Variants in PRDM16 observed in about 807,000 individuals in gnomAD.
The protein encoded by PRDM16 is PR/SET domain 16, also known as histone-lysine N-methyltransferase PRDM16.
PRDM16 carries 23 observed loss-of-function variants against 110.6 expected under a neutral mutation model. The ratio of observed to expected loss-of-function variants is 0.21; its 90% CI spans 0.15 to 0.29. The LOEUF is 0.29. Among genes scored for constraint, PRDM16 ranks in the 10% least tolerant of loss-of-function variants. The probability of loss-of-function intolerance (pLI) is 1.00; values close to 1 mark genes in which losing one functional copy is unlikely to be tolerated. For missense variants in PRDM16, 1,615 were observed against 1,794.3 expected (o/e 0.90, Z 1.81); for synonymous variants, 799 against 781.8 (o/e 1.02, Z -0.37).
Position 3,437,200 on chromosome 1 carries a change from T to A in PRDM16, c.*3389T>A, listed in dbSNP as rs977828012. 9 of 232,194 alleles carry A rather than the reference T, an allele frequency of 3.9e-5. No individual in the cohort carries two copies. Among genetic ancestry groups the A allele is most frequent in the African/African-American group, 1.8e-4 (8 of 45,176 alleles). The allele number at this position is 232,194 out of a possible 1,614,324, so 14.4% of individuals were successfully genotyped here. A position where few individuals can be genotyped will look rare whatever the true frequency, so the allele number is the denominator to read the frequency against. ...GAGAGACTGCCCAGCTGGAGAGGCC[T>A]TCCTTTACAAGGCCACGCGTGCAGC... On this transcript the variant is annotated 3_prime_UTR_variant, in exon 17 of 17. Coordinates refer to ENST00000270722, the MANE Select transcript of PRDM16 (RefSeq NM_022114.4).
chr1:3,170,055 GA>G (rs1409008322), intron 1 of PRDM16, among the ~76,000 whole-genome samples: 4 of 97,550 alleles, frequency 4.1e-5, no homozygotes, highest in South Asian at 7.6e-4. Flanking sequence ...AAAAATTAAT[GA>G]ATTTTTTTTT....
rs556370275 is a variant in PRDM16 at position 3,404,985 on chromosome 1, A to G, written c.1032+99A>G. On this transcript the variant is annotated intron_variant, in intron 7 of 16. Transcript: ENST00000270722. ...CCTACACCCCCTGGTCCAAATGTAG[A>G]TGGAGTGCGGCAGAGTGGGTAGGAG... 32 of 1,364,964 alleles carry G rather than the reference A, an allele frequency of 2.3e-5. No homozygotes were observed. In the African/African-American group the frequency reaches 4.4e-4, roughly 19 times the overall value. 84.6% of individuals were successfully genotyped at this position (1,364,964 alleles called of 1,614,324 possible).
chr1:3,281,607 AGATT>A (rs1640712738), intron 3 of PRDM16, among the ~76,000 whole-genome samples: 2 of 151,898 alleles, frequency 1.3e-5, no homozygotes, highest in Non-Finnish European at 2.9e-5. Context: ...AGTTATGACC[AGATT>A]GATTGATGAG....
chr1:3,430,041 C>T (rs931048504), intron 14 of PRDM16, among the ~76,000 whole-genome samples: 2 of 152,144 alleles, frequency 1.3e-5, no homozygotes, highest in African/African-American at 2.4e-5. Flanking sequence ...CCAGAAACTG[C>T]GTGCCCTGCC....
intron 3 of PRDM16, among the ~76,000 whole-genome samples, chr1:3,278,228 G>A (rs1339370218): frequency 6.6e-6 from 1 of 152,204 alleles, no homozygotes; most frequent in Non-Finnish European, 1.5e-5. Flanking sequence ...ACCCCCTCAA[G>A]GCCATGCTGC....
chr1:3,422,811 T>C (rs1392202005), intron 12 of PRDM16, among the ~76,000 whole-genome samples: 1 of 152,308 alleles, frequency 6.6e-6, no homozygotes, highest in African/African-American at 2.4e-5. Context: ...GCAGGCTTTG[T>C]GGATGGCCAG....
intron 1 of PRDM16, among the ~76,000 whole-genome samples, chr1:3,174,969 G>A (rs918704212): frequency 6.6e-6 from 1 of 152,194 alleles, no homozygotes; most frequent in Non-Finnish European, 1.5e-5. Flanking sequence ...TTGGTTCTGG[G>A]CACAGACGCT....
rs189425048 is a variant in PRDM16, at chr1:3,081,269, C to T, written c.37+11973C>T. Reference sequence around the variant, plus strand: ...GCCCCTCGCGGCTGTACCCCGAGTCCCCCGTGCTGGCACCTGATAAGGGGT... The same window carrying T: ...GCCCCTCGCGGCTGTACCCCGAGTCTCCCGTGCTGGCACCTGATAAGGGGT... On this transcript the variant is annotated intron_variant, in intron 1 of 16. Coordinates refer to ENST00000270722, the MANE Select transcript of PRDM16 (RefSeq NM_022114.4). This position sits in a 1 kb window ranked among gnomAD's most constrained non-coding sequence, Gnocchi z 4.6. 2.1e-3 allele frequency among the ~76,000 whole-genome samples: 321 copies of T among 152,318 alleles called. 1 individual carries two copies. The highest frequency in any genetic ancestry group is 7.0e-3 in the African/African-American group (289 of 41,566).
intron 1 of PRDM16, among the ~76,000 whole-genome samples, chr1:3,153,810 A>G (rs78241606): frequency 0.013 from 1,972 of 152,384 alleles, 80 homozygotes; most frequent in East Asian, 0.11. Context: ...AGTAATATAG[A>G]AAACGCAGTA....
At chr1:3,242,977 G>A (rs574551539) in intron 2 of PRDM16, among the ~76,000 whole-genome samples, 5 of 152,390 alleles carry the variant, frequency 3.3e-5, no homozygotes, top group Admixed American at 1.3e-4. Flanking sequence ...AGCACAGACA[G>A]CACTCTGGGA....
intron 1 of PRDM16, among the ~76,000 whole-genome samples, chr1:3,094,014 G>T (rs1642335475): frequency 6.6e-6 from 1 of 152,226 alleles, no homozygotes; most frequent in South Asian, 2.1e-4. Flanking sequence ...TGTGTTTCAG[G>T]AAGTGCCGAG....
intron 1 of PRDM16, among the ~76,000 whole-genome samples, chr1:3,144,668 G>C (rs1643612486): frequency 6.6e-6 from 1 of 152,190 alleles, no homozygotes; most frequent in Non-Finnish European, 1.5e-5. Flanking sequence ...CCAAGGCGTG[G>C]GGGCTTTGCA....
intron 3 of PRDM16, among the ~76,000 whole-genome samples, chr1:3,375,349 C>T (rs559760048): frequency 5.9e-5 from 9 of 152,224 alleles, no homozygotes; most frequent in Non-Finnish European, 1.2e-4. Context: ...CACCTCTAGG[C>T]GTTCTGTGTT....
At chr1:3,180,822 T>G (rs1460304091) in intron 1 of PRDM16, among the ~76,000 whole-genome samples, 1 of 149,188 alleles carries the variant, frequency 6.7e-6, no homozygotes, top group Non-Finnish European at 1.5e-5. Context: ...CCTTTTCAGG[T>G]TCCCAACAGG....
At chr1:3,324,973 G>T (rs1019315012) in intron 3 of PRDM16, among the ~76,000 whole-genome samples, 2 of 152,296 alleles carry the variant, frequency 1.3e-5, no homozygotes, top group East Asian at 1.9e-4. Context: ...ATGCACGCGA[G>T]GGGCTGAGCA....
intron 1 of PRDM16, among the ~76,000 whole-genome samples, chr1:3,123,302 C>T (rs2100666430): frequency 6.6e-6 from 1 of 152,338 alleles, no homozygotes; most frequent in South Asian, 2.1e-4. Flanking sequence ...AGGACCCTAA[C>T]AGGTGACAGT....
chr1:3,425,440 A>C lies in PRDM16; in HGVS notation c.2940-141A>C, dbSNP rs928213457. On this transcript the variant is annotated intron_variant, in intron 12 of 16. Coordinates refer to ENST00000270722, the MANE Select transcript of PRDM16 (RefSeq NM_022114.4). This position sits in a 1 kb window ranked among gnomAD's most constrained non-coding sequence, Gnocchi z 6.9. ...CTTTGGCTCTGCAGCTGGGAGATCC[A>C]GCAACCTCCGGGACACGGCGGGGCA... is the stretch of plus-strand genomic sequence containing the variant. 4 of 875,218 alleles carry C rather than the reference A, an allele frequency of 4.6e-6. No homozygotes were observed. In the African/African-American group the frequency reaches 5.1e-5, roughly 11 times the overall value. The allele number at this position is 875,218 out of a possible 1,614,324, so 54.2% of individuals were successfully genotyped here.
At position 3,244,850 on chromosome 1, in the gene PRDM16, G is replaced by T. The variant is rs1408022729; in HGVS notation, c.438+713G>T. Among the ~76,000 whole-genome samples, 1 of 152,190 alleles carries T rather than the reference G, an allele frequency of 6.6e-6. No homozygotes were observed. Among genetic ancestry groups the T allele is most frequent in the Non-Finnish European group, 1.5e-5 (1 of 68,044 alleles). On this transcript the variant is annotated intron_variant, in intron 3 of 16. Coordinates refer to ENST00000270722, the MANE Select transcript of PRDM16 (RefSeq NM_022114.4). The surrounding 1 kb of genome is among the most constrained non-coding windows in gnomAD (Gnocchi z 4.1). ...AAACCTAGAACCTGTTCAGCAGCCA[G>T]AACTCCTCTTCGACGGGATATGCAT...
chr1:3,404,256 C>T lies in PRDM16; in HGVS notation c.885-483C>T, dbSNP rs78918422. 1.8e-3 allele frequency among the ~76,000 whole-genome samples: 270 copies of T among 152,340 alleles called. 2 individuals are homozygous for T. In the East Asian group the frequency reaches 0.037, roughly 21 times the overall value. ...CCTCCGAGCAGCTGTGCTCGGGTCC[C>T]CTCCGTGTCACCTGGAGACCCCCGA... On this transcript the variant is annotated intron_variant, in intron 6 of 16. Coordinates refer to ENST00000270722, the MANE Select transcript of PRDM16 (RefSeq NM_022114.4).
Sources: gnomAD v4.1 joint callset for allele counts (sites outside exome capture counted in the v4.1 genomes callset) on GRCh38, gnomAD v4.1.1 for gene constraint, Gnocchi (gnomAD v3.1) non-coding constraint, MANE v1.5 for transcripts, NCBI Gene and HGNC (gene_info 2026-07-23, HGNC 2026-07-21) for gene names.